Variants in SUSD1 observed in about 807,000 individuals in gnomAD.
SUSD1 encodes the protein sushi domain containing 1, also known as sushi domain-containing protein 1.
SUSD1 carries 65 observed loss-of-function variants against 86.9 expected under a neutral mutation model. The observed-to-expected ratio is 0.75, with a 90% CI of 0.61 to 0.92. The LOEUF (loss-of-function observed/expected upper bound fraction) is 0.92. Ranked by LOEUF, SUSD1 falls within the 40% of genes least tolerant of loss-of-function variation. SUSD1 has a pLI of 0.00. For synonymous variants in SUSD1, 346 were observed against 350.0 expected, an observed-to-expected ratio of 0.99 and a Z score of 0.13; for missense variants, 850 against 929.7, an observed-to-expected ratio of 0.91 and a Z score of 1.11.
rs1390910983 is a variant in SUSD1, at chr9:112,175,213, G to A, written c.23C>T (p.Ala8Val). The change falls in exon 1 of 17, where the codon GCG becomes GTG. Residue 8 changes from alanine (A) to valine (V), a missense_variant. By Grantham distance (64) the Ala-to-Val change is moderately conservative. Coordinates refer to ENST00000374270, the MANE Select transcript of SUSD1 (RefSeq NM_022486.5). This position sits in a 1 kb window ranked among gnomAD's most constrained non-coding sequence, Gnocchi z 4.7. MGRGPWDAGPSRRLLPLL... is the reference protein window; with the variant it reads MGRGPWDVGPSRRLLPLL... ...CGGCAGCAGGCGGCGAGACGGGCCC[G>A]CATCCCAGGGCCCCCGGCCCATGCC... 7.9e-6 allele frequency: 9 copies of A among 1,146,082 alleles called. No homozygotes were observed. The South Asian group carries it at 3.4e-4, about 43-fold the overall frequency. 71.0% of individuals were successfully genotyped at this position (1,146,082 alleles called of 1,614,324 possible).
chr9:112,063,516 G>A (rs1359517155), intron 12 of SUSD1, among the ~76,000 whole-genome samples: 1 of 152,196 alleles, frequency 6.6e-6, no homozygotes, highest in African/African-American at 2.4e-5. Context: ...GATGTGGTGA[G>A]TATTACAGTT....
rs77016414 is a variant in SUSD1, at chr9:112,069,614, G to A, written c.1754-6581C>T. On this transcript the variant is annotated intron_variant, in intron 12 of 16. Coordinates refer to ENST00000374270, the MANE Select transcript of SUSD1 (RefSeq NM_022486.5). ...CAGTAAAATTAACTTTTTTTATTAC[G>A]TGTCTCCTCTTCTCAGCCAAGGTGG... 5.9e-3 allele frequency among the ~76,000 whole-genome samples: 899 copies of A among 152,056 alleles called. 13 individuals are homozygous for A. The highest frequency in any genetic ancestry group is 8.1e-3 in the Non-Finnish European group (554 of 67,996).
intron 8 of SUSD1, among the ~76,000 whole-genome samples, chr9:112,108,650 C>T (rs1408161989): frequency 2.0e-5 from 3 of 149,608 alleles, no homozygotes; most frequent in African/African-American, 5.1e-5. Flanking sequence ...TAGTGGTGCA[C>T]GCCTGTAGTC....
intron 14 of SUSD1, among the ~76,000 whole-genome samples, chr9:112,053,277 G>A (rs1828299890): frequency 6.6e-6 from 1 of 151,896 alleles, no homozygotes; most frequent in African/African-American, 2.4e-5. Flanking sequence ...CACTTTGGGA[G>A]GCTGAGATGA....
At chr9:112,155,595 T>A (rs76638774) in intron 2 of SUSD1, among the ~76,000 whole-genome samples, 5,437 of 152,152 alleles carry the variant, frequency 0.036, 365 homozygotes, top group African/African-American at 0.13. Context: ...TTTTTTTGGT[T>A]TTTTTGTTTG....
In SUSD1 at chr9:112,144,254, G is replaced by T. The variant is rs541718757; in HGVS notation, c.374-631C>A. 2.3e-4 allele frequency among the ~76,000 whole-genome samples: 34 copies of T among 150,222 alleles called. 1 individual carries two copies. The South Asian group carries it at 6.8e-3, about 30-fold the overall frequency. ...ACCCCGTCTCAAAGAAAAAAAAAAAGAAAATCCAATCACTAAAAAATCCAA... is the reference window on the plus strand; with the variant it reads ...ACCCCGTCTCAAAGAAAAAAAAAAATAAAATCCAATCACTAAAAAATCCAA... On this transcript the variant is annotated intron_variant, in intron 3 of 16. Transcript: ENST00000374270.
chr9:112,110,642 C>T lies in SUSD1; in HGVS notation c.1171+1012G>A, dbSNP rs138903070. The stretch of plus-strand genomic sequence containing the variant: ...ACTCCTGGCCTCAAGCAATCCTCCT[C>T]AGCCTCCCAAAGTGCAGGGATTACA... On this transcript the variant is annotated intron_variant, in intron 8 of 16. Coordinates refer to ENST00000374270, the MANE Select transcript of SUSD1 (RefSeq NM_022486.5). 4.5e-3 allele frequency among the ~76,000 whole-genome samples: 688 copies of T among 151,860 alleles called. 21 individuals carry two copies. The highest frequency in any genetic ancestry group is 9.0e-4 in the Non-Finnish European group (61 of 67,944).
At chr9:112,086,952 C>T (rs9408835) in intron 10 of SUSD1, among the ~76,000 whole-genome samples, 20,382 of 150,754 alleles carry the variant, frequency 0.14, 1,734 homozygotes, top group East Asian at 0.22. Flanking sequence ...TGGGAATTAA[C>T]AGACAAAAGC....
intron 10 of SUSD1, among the ~76,000 whole-genome samples, chr9:112,098,253 C>A (rs1830480778): frequency 6.6e-6 from 1 of 152,188 alleles, no homozygotes; most frequent in Non-Finnish European, 1.5e-5. Flanking sequence ...ATCAGTCTAT[C>A]CTTGGTCTGT....
intron 1 of SUSD1, among the ~76,000 whole-genome samples, chr9:112,170,710 TAGAGAGAG>T (rs1554778939): frequency 8.8e-6 from 1 of 113,794 alleles, no homozygotes; most frequent in Non-Finnish European, 1.7e-5. Context: ...TATATATATA[TAGAGAGAG>T]AGAGAGAGAG....
In SUSD1 at chr9:112,156,161, T is replaced by A. The variant is rs1477716626; in HGVS notation, c.217+1339A>T. Among the ~76,000 whole-genome samples the A allele has an allele frequency of 1.1e-4, 15 of 137,038 alleles. No homozygotes were observed. The East Asian group carries it at 2.8e-3, about 25-fold the overall frequency. 89.9% of individuals were successfully genotyped at this position (137,038 alleles called of 152,430 possible). ...CTTGTCTCTAAAAATAAAATAAAGGTAAAAAAAAAAAAAACTCACTGGCCG... is the reference window on the plus strand; with the variant it reads ...CTTGTCTCTAAAAATAAAATAAAGGAAAAAAAAAAAAAAACTCACTGGCCG... On this transcript the variant is annotated intron_variant, in intron 2 of 16. Transcript: ENST00000374270.
At chr9:112,058,382 C>T (rs180847301) in intron 14 of SUSD1, 46 bp downstream of exon 14, 33 of 1,583,244 alleles carry the variant, frequency 2.1e-5, no homozygotes, top group East Asian at 4.5e-5. Context: ...AAATGTCATA[C>T]GAAGAAGAAA....
At chr9:112,094,468 G>A (rs1564288482) in intron 10 of SUSD1, among the ~76,000 whole-genome samples, 1 of 152,178 alleles carries the variant, frequency 6.6e-6, no homozygotes, top group Middle Eastern at 3.4e-3. Context: ...AAACTCTTTG[G>A]GGGCTAAAGT....
rs76515273 is a variant in SUSD1, at chr9:112,052,091, C to T, written c.2149+308G>A. The T allele has an allele frequency of 2.4e-3, 3,137 of 1,293,728 alleles. 18 individuals are homozygous for T. The highest frequency in any genetic ancestry group is 0.023 in the Middle Eastern group (111 of 4,854). The allele number at this position is 1,293,728 out of a possible 1,614,324, so 80.1% of individuals were successfully genotyped here. On this transcript the variant is annotated intron_variant, in intron 15 of 16. Transcript: ENST00000374270. Reference sequence around the variant, plus strand: ...TCACATGTCCTACAGTAGAAGAAAACGAAGCCAAGTGACTCTTAGAAACAG... The same window carrying T: ...TCACATGTCCTACAGTAGAAGAAAATGAAGCCAAGTGACTCTTAGAAACAG...
intron 5 of SUSD1, among the ~76,000 whole-genome samples, chr9:112,130,967 G>A (rs1425407212): frequency 1.3e-5 from 2 of 152,154 alleles, no homozygotes; most frequent in Non-Finnish European, 2.9e-5. Context: ...AAGCTGCAGT[G>A]AGCCAAGATC....
chr9:112,142,562 T>C (rs1023538411), intron 4 of SUSD1, 63 bp from the exon 5 acceptor site: 32 of 1,506,910 alleles, frequency 2.1e-5, no homozygotes, highest in Non-Finnish European at 2.8e-5. Context: ...ATTCACAATC[T>C]CTCTCCACCT....
chr9:112,155,714 C>A (rs982708125), intron 2 of SUSD1, among the ~76,000 whole-genome samples: 7 of 151,864 alleles, frequency 4.6e-5, no homozygotes, highest in Non-Finnish European at 1.0e-4. Context: ...ATAATCCCAG[C>A]ACTTTAGGAA....
intron 14 of SUSD1, among the ~76,000 whole-genome samples, chr9:112,054,885 A>G (rs911164124): frequency 6.6e-6 from 1 of 152,246 alleles, no homozygotes; most frequent in East Asian, 1.9e-4. Flanking sequence ...TATGTATAGT[A>G]AAAGTGCAAC....
At chr9:112,157,259 C>T (rs897292497) in intron 2 of SUSD1, among the ~76,000 whole-genome samples, 6 of 152,136 alleles carry the variant, frequency 3.9e-5, no homozygotes, top group Non-Finnish European at 7.4e-5. Context: ...TGTTAGGTCC[C>T]AGAGTTTCCA....
Sources: allele counts gnomAD v4.1 joint callset (sites outside exome capture counted in the v4.1 genomes callset), GRCh38; gene constraint gnomAD v4.1.1; non-coding constraint Gnocchi (gnomAD v3.1); transcripts MANE v1.5; gene names NCBI Gene and HGNC (gene_info 2026-07-23, HGNC 2026-07-21).